Variants in CDH13 observed in about 807,000 individuals in gnomAD.
The protein encoded by CDH13 is cadherin 13.
A neutral mutation model predicts 63.8 loss-of-function variants in CDH13; 24 were observed. That is an observed-to-expected ratio of 0.38 (90% CI 0.27 to 0.53). CDH13 has a LOEUF of 0.53. Ranked by LOEUF, CDH13 falls within the 20% of genes least tolerant of loss-of-function variation. The probability of loss-of-function intolerance (pLI) is 0.85; values close to 1 mark genes in which losing one functional copy is unlikely to be tolerated. For synonymous variants in CDH13, 503 were observed against 355.3 expected (o/e 1.42, Z -4.67); for missense variants, 1,049 against 903.1 (o/e 1.16, Z -2.07).
intron 1 of CDH13, among the ~76,000 whole-genome samples, chr16:82,835,005 T>C (rs949205982): frequency 6.6e-6 from 1 of 152,204 alleles, no homozygotes; most frequent in Non-Finnish European, 1.5e-5. Context: ...AAGCCACATA[T>C]ATAATTTTAA....
chr16:83,132,951 G>A (rs1289571104), intron 4 of CDH13, among the ~76,000 whole-genome samples: 3 of 152,080 alleles, frequency 2.0e-5, no homozygotes, highest in African/African-American at 7.2e-5. Flanking sequence ...TTCTTCCTGG[G>A]ATACACCCTC....
intron 3 of CDH13, among the ~76,000 whole-genome samples, chr16:83,043,091 T>C (rs1458416458): frequency 6.6e-6 from 1 of 152,252 alleles, no homozygotes; most frequent in African/African-American, 2.4e-5. Context: ...TAGAATTCAA[T>C]AATAGGCTGT....
At chr16:83,423,551 A>C (rs2071783307) in intron 6 of CDH13, among the ~76,000 whole-genome samples, 1 of 152,144 alleles carries the variant, frequency 6.6e-6, no homozygotes, top group South Asian at 2.1e-4. Flanking sequence ...TAAAAGTCTG[A>C]AATAAAAGTT....
intron 5 of CDH13, among the ~76,000 whole-genome samples, chr16:83,311,094 G>A (rs1024268300): frequency 8.5e-5 from 13 of 152,114 alleles, no homozygotes; most frequent in Admixed American, 1.3e-4. Context: ...CTCCTCTGAC[G>A]TCTCGGTTCT....
intron 7 of CDH13, among the ~76,000 whole-genome samples, chr16:83,571,190 C>G (rs929275363): frequency 2.6e-5 from 4 of 151,918 alleles, no homozygotes; most frequent in African/African-American, 9.7e-5. Context: ...AATCTTCACC[C>G]AATTTGCTCC....
At chr16:83,374,101 A>C (rs531720997) in intron 6 of CDH13, among the ~76,000 whole-genome samples, 1 of 152,312 alleles carries the variant, frequency 6.6e-6, no homozygotes, top group African/African-American at 2.4e-5. Flanking sequence ...CAAAGAGTGC[A>C]AACTTTCTTA....
At chr16:83,586,275 G>A (rs1474935483) in intron 7 of CDH13, among the ~76,000 whole-genome samples, 2 of 152,168 alleles carry the variant, frequency 1.3e-5, no homozygotes. Context: ...TCTTCCCACC[G>A]GCACAGGGCG....
intron 4 of CDH13, among the ~76,000 whole-genome samples, chr16:83,182,782 T>C (rs997143910): frequency 4.5e-4 from 68 of 152,304 alleles, no homozygotes; most frequent in Non-Finnish European, 1.0e-4. Flanking sequence ...CAGTATTAAA[T>C]ACACAAAATT....
At chr16:83,754,484 TAC>T (rs1236206419) in intron 11 of CDH13, among the ~76,000 whole-genome samples, 1 of 152,212 alleles carries the variant, frequency 6.6e-6, no homozygotes, top group Non-Finnish European at 1.5e-5. Flanking sequence ...CTCCATCTGA[TAC>T]AGTTTGGCTC....
chr16:82,686,713 C>G (rs1390215497), intron 1 of CDH13, among the ~76,000 whole-genome samples: 2 of 152,198 alleles, frequency 1.3e-5, no homozygotes, highest in Non-Finnish European at 2.9e-5. Context: ...CTTCCGTTGA[C>G]AACCCAGAAT....
chr16:83,014,754 A>ATATATATATATATATG (rs1914536714), intron 2 of CDH13, among the ~76,000 whole-genome samples: 1 of 43,408 alleles, frequency 2.3e-5, no homozygotes, highest in African/African-American at 8.1e-5. Context: ...ATATATATAT[A>ATATATATATATATATG]TATATATATA....
At chr16:82,771,845 G>C (rs1294769197) in intron 1 of CDH13, among the ~76,000 whole-genome samples, 1 of 152,212 alleles carries the variant, frequency 6.6e-6, no homozygotes, top group Non-Finnish European at 1.5e-5. Flanking sequence ...AGATAACTTT[G>C]GCCTCATCTT....
At chr16:83,445,232 A>AGTTTATAAAAGC in intron 6 of CDH13, among the ~76,000 whole-genome samples, 1 of 85,278 alleles carries the variant, frequency 1.2e-5, no homozygotes, top group African/African-American at 3.5e-5. Context: ...AGGCTGCGAG[A>AGTTTATAAAAGC]GTTTATAATT....
intron 1 of CDH13, among the ~76,000 whole-genome samples, chr16:82,663,026 A>G (rs1261966504): frequency 6.6e-6 from 1 of 152,138 alleles, no homozygotes; most frequent in Non-Finnish European, 1.5e-5. Flanking sequence ...CTCTTCCTAC[A>G]TGTAGCAGGC....
At chr16:83,666,681 C>T (rs1913982082) in intron 8 of CDH13, among the ~76,000 whole-genome samples, 1 of 152,202 alleles carries the variant, frequency 6.6e-6, no homozygotes, top group South Asian at 2.1e-4. Context: ...TTCCCGCCAC[C>T]TGGCCTTTGC....
At chr16:83,543,665 A>T (rs1366610308) in intron 7 of CDH13, among the ~76,000 whole-genome samples, 2 of 152,128 alleles carry the variant, frequency 1.3e-5, no homozygotes, top group African/African-American at 2.4e-5. Context: ...GACATTAGAG[A>T]CATGTTTTGG....
At chr16:83,127,283 T>C (rs1395085225) in intron 4 of CDH13, among the ~76,000 whole-genome samples, 1 of 152,134 alleles carries the variant, frequency 6.6e-6, no homozygotes, top group African/African-American at 2.4e-5. Context: ...CACTGGAAGA[T>C]TTCCCCAGAA....
At chr16:83,015,136 A>G (rs1188650689) in intron 2 of CDH13, among the ~76,000 whole-genome samples, 1 of 151,992 alleles carries the variant, frequency 6.6e-6, no homozygotes, top group Non-Finnish European at 1.5e-5. Context: ...GAATAATTTA[A>G]TAATCAAAAT....
At chr16:82,702,139 G>A (rs898194077) in intron 1 of CDH13, among the ~76,000 whole-genome samples, 7 of 152,096 alleles carry the variant, frequency 4.6e-5, no homozygotes, top group South Asian at 2.1e-4. Flanking sequence ...TGTGTGCTGC[G>A]TGTTTGCTCT....
Sources: gnomAD v4.1 joint callset for allele counts (sites outside exome capture counted in the v4.1 genomes callset) on GRCh38, gnomAD v4.1.1 for gene constraint, MANE v1.5 for transcripts, NCBI Gene and HGNC (gene_info 2026-07-23, HGNC 2026-07-21) for gene names.